MARCHF6: variants seen among roughly 807,000 people sequenced by gnomAD.
The protein encoded by MARCHF6 is E3 ubiquitin-protein ligase MARCHF6.
Under a neutral mutation model 133.7 loss-of-function variants are expected in MARCHF6, and 31 were observed. The ratio of observed to expected loss-of-function variants is 0.23; its 90% CI spans 0.17 to 0.31. The LOEUF (loss-of-function observed/expected upper bound fraction) is 0.31. Ranked by LOEUF, MARCHF6 falls within the 10% of genes least tolerant of loss-of-function variation. MARCHF6 has a pLI of 1.00. For synonymous variants in MARCHF6, 395 were observed against 402.5 expected (o/e 0.98, Z 0.22); for missense variants, 723 against 1,121.6 (o/e 0.64, Z 5.08).
chr5:10,366,872 CTGCGT>C (rs1736168232), intron 1 of MARCHF6, among the ~76,000 whole-genome samples: 1 of 152,206 alleles, frequency 6.6e-6, no homozygotes, highest in Admixed American at 6.5e-5. Flanking sequence ...TGCCAACATT[CTGCGT>C]TTATGAGAAC....
At chr5:10,392,553 A>C (rs1164580125) in intron 7 of MARCHF6, among the ~76,000 whole-genome samples, 1 of 152,126 alleles carries the variant, frequency 6.6e-6, no homozygotes, top group Non-Finnish European at 1.5e-5. Flanking sequence ...CAGGAGTTTG[A>C]GACCAGCTTG....
intron 23 of MARCHF6, among the ~76,000 whole-genome samples, chr5:10,426,156 C>A (rs1346033730): frequency 6.6e-6 from 1 of 152,148 alleles, no homozygotes; most frequent in African/African-American, 2.4e-5. Flanking sequence ...AGATTAGTGT[C>A]TTATTTCATC....
At chr5:10,430,130 G>T in intron 25 of MARCHF6, 102 bp downstream of exon 25, 1 of 1,338,384 alleles carries the variant, frequency 7.5e-7, no homozygotes. Context: ...TCAGATTCTG[G>T]ATATACTTGG....
intron 4 of MARCHF6, among the ~76,000 whole-genome samples, chr5:10,383,481 T>A (rs1017308082): frequency 6.6e-6 from 1 of 152,174 alleles, no homozygotes. Flanking sequence ...GCTTCCAGAT[T>A]ATCCTACAAA....
intron 1 of MARCHF6, among the ~76,000 whole-genome samples, chr5:10,376,241 G>T (rs1736772031): frequency 6.6e-6 from 1 of 152,162 alleles, no homozygotes; most frequent in African/African-American, 2.4e-5. Flanking sequence ...AAGATCTGCA[G>T]TTTCTCTCCT....
At chr5:10,401,077 G>A in intron 11 of MARCHF6, 3 of 417,310 alleles carry the variant, frequency 7.2e-6, no homozygotes, top group Non-Finnish European at 1.3e-5. Context: ...TGGGCCTGAG[G>A]CATACCGTGG....
At chr5:10,364,790 G>A (rs552159823) in intron 1 of MARCHF6, among the ~76,000 whole-genome samples, 5 of 152,274 alleles carry the variant, frequency 3.3e-5, no homozygotes, top group Admixed American at 2.0e-4. Flanking sequence ...TGGTTTCGCT[G>A]TTTCTCTGCT....
intron 7 of MARCHF6, among the ~76,000 whole-genome samples, chr5:10,393,657 CAT>C (rs984686772): frequency 5.3e-5 from 8 of 152,150 alleles, no homozygotes. Context: ...GTAGTTTTCC[CAT>C]TACTAAAGAA....
At chr5:10,361,658 G>C (rs1735833881) in intron 1 of MARCHF6, among the ~76,000 whole-genome samples, 1 of 152,156 alleles carries the variant, frequency 6.6e-6, no homozygotes, top group Non-Finnish European at 1.5e-5. Flanking sequence ...GTGAATTACG[G>C]GGGGAGGGGC....
At chr5:10,419,824 C>T (rs1389974366) in intron 22 of MARCHF6, among the ~76,000 whole-genome samples, 1 of 152,132 alleles carries the variant, frequency 6.6e-6, no homozygotes, top group Non-Finnish European at 1.5e-5. Context: ...TTAAAACAAC[C>T]ATTTTAATTT....
chr5:10,403,595 T>A, intron 15 of MARCHF6, 54 bp downstream of exon 15: 3 of 1,515,306 alleles, frequency 2.0e-6, no homozygotes, highest in Non-Finnish European at 2.7e-6. Context: ...GACTTTTGCT[T>A]TCACCACCAG....
intron 1 of MARCHF6, among the ~76,000 whole-genome samples, chr5:10,356,974 G>A (rs529358047): frequency 6.6e-6 from 1 of 152,220 alleles, no homozygotes; most frequent in African/African-American, 2.4e-5. Context: ...AAAATCAACA[G>A]GTTTATAATC....
At chr5:10,367,241 C>T (rs577928039) in intron 1 of MARCHF6, among the ~76,000 whole-genome samples, 28 of 152,114 alleles carry the variant, frequency 1.8e-4, no homozygotes, top group Admixed American at 2.6e-4. Context: ...AGAAAAGGGA[C>T]GTTAGGTAAA....
intron 25 of MARCHF6, among the ~76,000 whole-genome samples, chr5:10,431,545 A>AGT (rs1740361420): frequency 6.6e-6 from 1 of 151,922 alleles, no homozygotes; most frequent in Non-Finnish European, 1.5e-5. Flanking sequence ...TGTAGACTTA[A>AGT]GTGAGGGCAT....
At chr5:10,390,607 T>C in intron 6 of MARCHF6, 107 bp downstream of exon 6, 2 of 1,110,248 alleles carry the variant, frequency 1.8e-6, no homozygotes, top group Non-Finnish European at 2.5e-6. Context: ...AAACATTCTT[T>C]TGTTATTACA....
At chr5:10,401,821 A>G (rs1738550510) in intron 11 of MARCHF6, 2 of 534,378 alleles carry the variant, frequency 3.7e-6, no homozygotes, top group African/African-American at 3.8e-5. Context: ...CTCTACTGTT[A>G]TTTTGTCTCC....
intron 14 of MARCHF6, among the ~76,000 whole-genome samples, chr5:10,403,033 TTC>T (rs1738639525): frequency 1.3e-5 from 2 of 152,216 alleles, no homozygotes; most frequent in African/African-American, 4.8e-5. Flanking sequence ...TTTTGATTGT[TTC>T]AAAAATATTT....
At chr5:10,413,602 C>T (rs926155667) in intron 19 of MARCHF6, among the ~76,000 whole-genome samples, 3 of 152,192 alleles carry the variant, frequency 2.0e-5, no homozygotes, top group Admixed American at 6.5e-5. Context: ...TATAAAGGAA[C>T]GAGGTTTAAT....
intron 1 of MARCHF6, among the ~76,000 whole-genome samples, chr5:10,364,592 GGGGATACATGGA>G (rs1348307054): frequency 2.0e-5 from 3 of 152,160 alleles, no homozygotes; most frequent in African/African-American, 7.2e-5. Context: ...GAGTTGAGAA[GGGGATACATGGA>G]TAACTAGCTC....
Sources: allele counts gnomAD v4.1 joint callset (sites outside exome capture counted in the v4.1 genomes callset), GRCh38; gene constraint gnomAD v4.1.1; transcripts MANE v1.5; gene names NCBI Gene and HGNC (gene_info 2026-07-23, HGNC 2026-07-21).